The following NBEAL1 variants were observed in gnomAD, a reference collection of about 807,000 sequenced individuals.
The protein encoded by NBEAL1 is neurobeachin like 1.
In NBEAL1, 273 loss-of-function variants were observed where a neutral mutation model predicts 351.3. The ratio of observed to expected loss-of-function variants is 0.78; its 90% CI spans 0.70 to 0.86. The LOEUF (loss-of-function observed/expected upper bound fraction) is 0.86, where lower values mean the gene tolerates loss of function less well. Ranked by LOEUF, NBEAL1 falls within the 40% of genes least tolerant of loss-of-function variation. The probability of loss-of-function intolerance (pLI) is 0.00; values close to 1 mark genes in which losing one functional copy is unlikely to be tolerated. For synonymous variants in NBEAL1, 1,050 were observed against 1,086.4 expected (o/e 0.97, Z 0.66); for missense variants, 2,961 against 3,201.3 (o/e 0.92, Z 1.81).
chr2:203,025,937 C>G (rs1014955046), intron 2 of NBEAL1, among the ~76,000 whole-genome samples: 6 of 152,026 alleles, frequency 3.9e-5, no homozygotes, highest in Admixed American at 3.3e-4. Context: ...GCATTGGAGA[C>G]TACACTTTGT....
chr2:203,178,385 G>C (rs183162440), intron 42 of NBEAL1, among the ~76,000 whole-genome samples: 1 of 152,022 alleles, frequency 6.6e-6, no homozygotes, highest in Admixed American at 6.6e-5. Context: ...CAGGCTGGTC[G>C]TGAACTCCTG....
At chr2:203,172,603 A>T in intron 40 of NBEAL1, 126 bp from the exon 41 acceptor site, 1 of 768,270 alleles carries the variant, frequency 1.3e-6, no homozygotes, top group Non-Finnish European at 2.0e-6. Context: ...ATGGATATTT[A>T]CAACAGGGAA....
intron 36 of NBEAL1, among the ~76,000 whole-genome samples, chr2:203,160,654 A>G (rs1420088630): frequency 2.6e-5 from 4 of 152,120 alleles, no homozygotes; most frequent in Non-Finnish European, 5.9e-5. Flanking sequence ...TTTGGTAACA[A>G]ACTGTAGCCA....
chr2:203,045,721 T>C (rs1429044394), intron 3 of NBEAL1, among the ~76,000 whole-genome samples: 1 of 152,218 alleles, frequency 6.6e-6, no homozygotes, highest in East Asian at 1.9e-4. Flanking sequence ...TTAAACAGCC[T>C]TTTACTCAGT....
At chr2:203,022,195 T>C (rs1229266347) in intron 2 of NBEAL1, among the ~76,000 whole-genome samples, 2 of 152,154 alleles carry the variant, frequency 1.3e-5, no homozygotes, top group African/African-American at 2.4e-5. Context: ...CACTAGAATA[T>C]GTAGAAAAAA....
chr2:203,075,377 G>C (rs950690814), intron 7 of NBEAL1, among the ~76,000 whole-genome samples: 5 of 152,166 alleles, frequency 3.3e-5, no homozygotes, highest in African/African-American at 1.2e-4. Context: ...CTTATGATGA[G>C]AGTTTGCATG....
chr2:203,156,333 A>G (rs921651497), intron 35 of NBEAL1, among the ~76,000 whole-genome samples: 1 of 152,162 alleles, frequency 6.6e-6, no homozygotes, highest in Non-Finnish European at 1.5e-5. Context: ...CCAAACTTAC[A>G]GTAGCTTGCC....
chr2:203,045,494 G>A (rs2061211545), intron 3 of NBEAL1, among the ~76,000 whole-genome samples: 2 of 152,160 alleles, frequency 1.3e-5, no homozygotes, highest in Non-Finnish European at 2.9e-5. Context: ...CAAGTGAAAT[G>A]GTGCCCCAAC....
intron 2 of NBEAL1, among the ~76,000 whole-genome samples, chr2:203,036,435 G>A (rs1461742796): frequency 6.7e-6 from 1 of 148,970 alleles, no homozygotes; most frequent in Non-Finnish European, 1.5e-5. Flanking sequence ...GTAGTGTAGT[G>A]GAAACAGCAC....
intron 47 of NBEAL1, among the ~76,000 whole-genome samples, chr2:203,194,979 C>T (rs1025845302): frequency 3.9e-5 from 6 of 152,080 alleles, no homozygotes; most frequent in South Asian, 2.1e-4. Flanking sequence ...CGGCAGATCA[C>T]GAGGTCAGGA....
At chr2:203,029,675 G>A (rs2060918864) in intron 2 of NBEAL1, among the ~76,000 whole-genome samples, 1 of 139,262 alleles carries the variant, frequency 7.2e-6, no homozygotes, top group East Asian at 2.2e-4. Context: ...CTGGGCAATA[G>A]AGTGAGACCC....
At chr2:203,127,759 T>A in intron 23 of NBEAL1, 22 bp from the exon 24 acceptor site, 1 of 1,446,796 alleles carries the variant, frequency 6.9e-7, no homozygotes, top group Non-Finnish European at 9.4e-7. Context: ...TTTCAATTCT[T>A]ATACTTTGTT....
chr2:203,211,564 T>C (rs1453375846), intron 54 of NBEAL1, among the ~76,000 whole-genome samples: 1 of 152,154 alleles, frequency 6.6e-6, no homozygotes, highest in Non-Finnish European at 1.5e-5. Flanking sequence ...GGAGGATTGC[T>C]TGAGCCCAGG....
At chr2:203,055,178 T>A (rs77963749) in intron 4 of NBEAL1, among the ~76,000 whole-genome samples, 1,691 of 152,304 alleles carry the variant, frequency 0.011, 23 homozygotes, top group Middle Eastern at 0.034. Context: ...TTTCTAGTTG[T>A]TCTCAGGGAG....
rs754791815 is a variant in NBEAL1, at chr2:203,135,776, T to A, written c.3913T>A (p.Phe1305Ile). ...AGTTAGGCTTTTTTTAAAAGCAAAA[T>A]TTGAAAACGGAAATACTCTTCATAA... ...TLVRLFLKAK[F>I]ENGNTLHKHS... Residue 1305 changes from phenylalanine (F) to isoleucine (I), a missense_variant, in exon 28 of 56, where the codon TTT becomes ATT. Phe to Ile is a conservative substitution (Grantham distance 21, BLOSUM62 0). Coordinates refer to ENST00000683969, the MANE Select transcript of NBEAL1 (RefSeq NM_001378026.1). 6.2e-7 allele frequency: 1 copy of A among 1,608,074 alleles called. No individual in the cohort carries two copies. Among genetic ancestry groups the A allele is most frequent in the Non-Finnish European group, 8.5e-7 (1 of 1,176,850 alleles).
At chr2:203,048,511 G>T (rs2061268309) in intron 3 of NBEAL1, among the ~76,000 whole-genome samples, 2 of 151,992 alleles carry the variant, frequency 1.3e-5, no homozygotes, top group Non-Finnish European at 2.9e-5. Context: ...GGTTTTGGTT[G>T]TGTGACCACA....
In NBEAL1 at chr2:203,172,937, T is replaced by A. The variant is rs190103348; in HGVS notation, c.6323+84T>A. 7.8e-3 allele frequency: 8,069 copies of A among 1,039,124 alleles called. 53 individuals are homozygous for A. Among genetic ancestry groups the A allele is most frequent in the Non-Finnish European group, 6.8e-3 (5,234 of 774,052 alleles). The allele number at this position is 1,039,124 out of a possible 1,614,324, so 64.4% of individuals were successfully genotyped here. Reference sequence around the variant, plus strand: ...TTTTTACTATGGCCAACCAAAAAAATTTTTTTTTTATCGTACTACTACTTT... The same window carrying A: ...TTTTTACTATGGCCAACCAAAAAAAATTTTTTTTTATCGTACTACTACTTT... On this transcript the variant is annotated intron_variant, in intron 41 of 55. Coordinates refer to ENST00000683969, the MANE Select transcript of NBEAL1 (RefSeq NM_001378026.1).
chr2:203,118,268 A>G (rs2062745416), intron 18 of NBEAL1, among the ~76,000 whole-genome samples: 1 of 152,164 alleles, frequency 6.6e-6, no homozygotes, highest in South Asian at 2.1e-4. Flanking sequence ...TACCTAAGAA[A>G]ATGGCCCATA....
chr2:203,034,644 G>A (rs2061012887), intron 2 of NBEAL1, among the ~76,000 whole-genome samples: 1 of 148,316 alleles, frequency 6.7e-6, no homozygotes, highest in South Asian at 2.1e-4. Context: ...AGTAGAGATA[G>A]GGTTTCTCCA....
Sources: gnomAD v4.1 joint callset for allele counts (sites outside exome capture counted in the v4.1 genomes callset) on GRCh38, gnomAD v4.1.1 for gene constraint, MANE v1.5 for transcripts, NCBI Gene and HGNC (gene_info 2026-07-23, HGNC 2026-07-21) for gene names.